SH3TC2: variants seen among roughly 807,000 people sequenced by gnomAD.
The protein encoded by SH3TC2 is SH3 domain and tetratricopeptide repeat-containing protein 2.
In SH3TC2, 87 loss-of-function variants were observed where a neutral mutation model predicts 124.5. That is an observed-to-expected ratio of 0.70 (90% CI 0.59 to 0.84). The LOEUF (loss-of-function observed/expected upper bound fraction) is 0.84. Among genes scored for constraint, SH3TC2 ranks in the 40% least tolerant of loss-of-function variants. The pLI, the probability that SH3TC2 is intolerant of heterozygous loss-of-function variation, is 0.00. For synonymous variants in SH3TC2, 634 were observed against 628.5 expected (o/e 1.01, Z -0.13); for missense variants, 1,536 against 1,566.4 (o/e 0.98, Z 0.33).
chr5:149,023,738 AT>A (rs1754017346), intron 12 of SH3TC2, among the ~76,000 whole-genome samples: 1 of 151,812 alleles, frequency 6.6e-6, no homozygotes, highest in South Asian at 2.1e-4. Context: ...ACCCACCACC[AT>A]GCCTGGCTAA....
intron 12 of SH3TC2, among the ~76,000 whole-genome samples, chr5:149,015,752 G>A (rs929349707): frequency 2.0e-5 from 3 of 152,132 alleles, no homozygotes; most frequent in Non-Finnish European, 4.4e-5. Context: ...TCCCTGCCCT[G>A]CCTGGATGAG....
chr5:149,023,535 G>T (rs868840058), intron 12 of SH3TC2, among the ~76,000 whole-genome samples: 2 of 149,974 alleles, frequency 1.3e-5, no homozygotes, highest in Admixed American at 6.6e-5. Context: ...AGGGAAGTTG[G>T]AAGGGGACCT....
At chr5:149,023,154 G>A (rs2127395920) in intron 12 of SH3TC2, among the ~76,000 whole-genome samples, 1 of 152,254 alleles carries the variant, frequency 6.6e-6, no homozygotes, top group South Asian at 2.1e-4. Context: ...AAGGCAACAA[G>A]CTCACTCTTA....
intron 2 of SH3TC2, among the ~76,000 whole-genome samples, chr5:149,050,742 A>C (rs1353891788): frequency 6.6e-6 from 1 of 152,204 alleles, no homozygotes; most frequent in Non-Finnish European, 1.5e-5. Context: ...TCTCATCTGA[A>C]ATTGGGAAAA....
chr5:149,012,607 C>T lies in SH3TC2; in HGVS notation c.3181G>A (p.Glu1061Lys), dbSNP rs760656119. 1.1e-5 allele frequency: 18 copies of T among 1,614,146 alleles called. No homozygotes were observed. Among genetic ancestry groups the T allele is most frequent in the African/African-American group, 2.7e-5 (2 of 75,030 alleles). Residue 1061 changes from glutamate to lysine, a missense_variant, in exon 13 of 17, where the codon GAG becomes AAG. By Grantham distance (56) the Glu-to-Lys change is moderately conservative (BLOSUM62 1). Transcript: ENST00000515425. Reference protein sequence around the residue: ...GRLHYLMQEDELVELCLQAAI... With the variant: ...GRLHYLMQEDKLVELCLQAAI... Reference sequence around the variant, plus strand: ...ACCTGCAGGCACAGCTCCACCAGCTCGTCTTCCTGCATGAGGTAGTGGAGT... The same window carrying T: ...ACCTGCAGGCACAGCTCCACCAGCTTGTCTTCCTGCATGAGGTAGTGGAGT...
intron 9 of SH3TC2, among the ~76,000 whole-genome samples, chr5:149,031,087 C>T (rs1428972945): frequency 3.9e-5 from 6 of 152,240 alleles, no homozygotes; most frequent in African/African-American, 1.4e-4. Flanking sequence ...ATTGCTCTGA[C>T]TAGCAGTTCT....
At chr5:149,059,678 A>G (rs912087098) in intron 1 of SH3TC2, among the ~76,000 whole-genome samples, 1 of 151,854 alleles carries the variant, frequency 6.6e-6, no homozygotes, top group East Asian at 1.9e-4. Context: ...TCATGATATC[A>G]TTTTGTTTAA....
At position 148,988,363 on chromosome 5, in the gene SH3TC2, A is replaced by G. The variant is rs954581706; in HGVS notation, c.*16348T>C. 1.3e-5 allele frequency among the ~76,000 whole-genome samples: 2 copies of G among 152,186 alleles called. No homozygotes were observed. The highest frequency in any genetic ancestry group is 6.5e-5 in the Admixed American group (1 of 15,280). ...AGGCTTCCCAGTGCTCATGCCATTG[A>G]GTAATCCCCTCCTATACCAGCTCTA... On this transcript the variant is annotated 3_prime_UTR_variant, in exon 17 of 17. Coordinates refer to ENST00000515425, the MANE Select transcript of SH3TC2 (RefSeq NM_024577.4).
rs931549453 is a variant in SH3TC2 at position 148,991,741 on chromosome 5, A to G, written c.*12970T>C. Among the ~76,000 whole-genome samples the G allele has an allele frequency of 2.0e-5, 3 of 152,218 alleles. No individual in the cohort carries two copies. The highest frequency in any genetic ancestry group is 7.2e-5 in the African/African-American group (3 of 41,464). ...AGAGGCTCTTGCAAACTGCTTTTGT[A>G]GAAATTATACTCACTGGTGTCCAAC... is the stretch of plus-strand genomic sequence containing the variant. On this transcript the variant is annotated 3_prime_UTR_variant, in exon 17 of 17. Coordinates refer to ENST00000515425, the MANE Select transcript of SH3TC2 (RefSeq NM_024577.4).
Position 149,008,674 on chromosome 5 carries a change from C to G in SH3TC2, c.3478+177G>C, listed in dbSNP as rs1313371942. 1.2e-5 allele frequency: 10 copies of G among 801,812 alleles called. 1 individual carries two copies. In the South Asian group the frequency reaches 1.6e-4, roughly 13 times the overall value. The allele number at this position is 801,812 out of a possible 1,614,324, so 49.7% of individuals were successfully genotyped here. A position where few individuals can be genotyped will look rare whatever the true frequency, so the allele number is the denominator to read the frequency against. ...ATTTTTAATCCTGATTTGGTGATGA[C>G]AAGCTTGAGGCTTATAGAAGTTAAG... is the stretch of plus-strand genomic sequence containing the variant. On this transcript the variant is annotated intron_variant, in intron 15 of 16. Coordinates refer to ENST00000515425, the MANE Select transcript of SH3TC2 (RefSeq NM_024577.4).
chr5:149,028,747 G>A, intron 9 of SH3TC2, 29 bp from the exon 10 acceptor site: 3 of 1,613,986 alleles, frequency 1.9e-6, no homozygotes, highest in Non-Finnish European at 2.5e-6. Flanking sequence ...CAGGTCTGGT[G>A]TTAGGTCAGG....
Position 149,012,693 on chromosome 5 carries a change from C to T in SH3TC2, c.3095G>A (p.Arg1032His), listed in dbSNP as rs372839905. The change falls in exon 13 of 17, where the codon CGT (arginine) becomes CAT (histidine). Residue 1032 changes from arginine (R) to histidine (H), a missense_variant. Coordinates refer to ENST00000515425, the MANE Select transcript of SH3TC2 (RefSeq NM_024577.4). The part of the protein sequence containing the change: ...RSLTCIKESL[R>H]IFIDLGETDK... ...TGTCTCCCCCAGGTCAATGAAGATA[C>T]GCAGGCTCTCCTTGATGCATGTGAG... 5.2e-5 allele frequency: 84 copies of T among 1,614,014 alleles called. 1 individual carries two copies. Among genetic ancestry groups the T allele is most frequent in the Middle Eastern group, 1.6e-4 (1 of 6,082 alleles).
intron 12 of SH3TC2, among the ~76,000 whole-genome samples, chr5:149,018,911 T>C (rs1753921858): frequency 1.3e-5 from 2 of 151,984 alleles, no homozygotes; most frequent in Admixed American, 1.3e-4. Flanking sequence ...ATCACCCCCA[T>C]CCTTTGCTGA....
Position 148,997,940 on chromosome 5 carries a change from T to C in SH3TC2, c.*6771A>G, listed in dbSNP as rs781164453. The stretch of plus-strand genomic sequence containing the variant: ...TTTTTATTTTGAGATGTACACACTC[T>C]CTGGTCTCAAAAAGAAGTAAGATAT... On this transcript the variant is annotated 3_prime_UTR_variant, in exon 17 of 17. Transcript: ENST00000515425. Among the ~76,000 whole-genome samples, 4 of 152,208 alleles carry C rather than the reference T, an allele frequency of 2.6e-5. No individual in the cohort carries two copies. The highest frequency in any genetic ancestry group is 4.4e-5 in the Non-Finnish European group (3 of 68,032).
At position 149,022,024 on chromosome 5, in the gene SH3TC2, C is replaced by T. The variant is rs1403950248; in HGVS notation, c.3053+4548G>A. 7.6e-4 allele frequency among the ~76,000 whole-genome samples: 29 copies of T among 38,068 alleles called. 1 individual carries two copies. In the South Asian group the frequency reaches 0.026, roughly 34 times the overall value. The allele number at this position is 38,068 out of a possible 152,430, so 25.0% of individuals were successfully genotyped here. A position where few individuals can be genotyped will look rare whatever the true frequency, so the allele number is the denominator to read the frequency against. On this transcript the variant is annotated intron_variant, in intron 12 of 16. Transcript: ENST00000515425. Reference sequence around the variant, plus strand: ...CGCCTCCCGGGTTCACGCCATTCTCCTGCCTCACAAACTCTTTCAAGAAAT... The same window carrying T: ...CGCCTCCCGGGTTCACGCCATTCTCTTGCCTCACAAACTCTTTCAAGAAAT...
chr5:149,030,561 C>G (rs988405531), intron 9 of SH3TC2, among the ~76,000 whole-genome samples: 3 of 152,256 alleles, frequency 2.0e-5, no homozygotes, highest in Admixed American at 6.5e-5. Context: ...ACTCTAGCTT[C>G]CTGCTCAACC....
chr5:149,035,753 A>C (rs1170318496), intron 8 of SH3TC2: 1 of 152,138 alleles, frequency 6.6e-6, no homozygotes, highest in Non-Finnish European at 1.5e-5. Flanking sequence ...GTCATAGTCC[A>C]CCTCACACAG....
chr5:148,997,954 GA>G lies in SH3TC2; in HGVS notation c.*6756del, dbSNP rs1753537737. On this transcript the variant is annotated 3_prime_UTR_variant, in exon 17 of 17. Transcript: ENST00000515425. ...TGTACACACTCTCTGGTCTCAAAAA[GA>G]AGTAAGATATCCATCAAATAATACA... Among the ~76,000 whole-genome samples, 1 of 152,184 alleles carries G rather than the reference GA, an allele frequency of 6.6e-6. No individual in the cohort carries two copies. The highest frequency in any genetic ancestry group is 2.4e-5 in the African/African-American group (1 of 41,454).
chr5:149,032,837 C>A (rs960590361), intron 8 of SH3TC2, among the ~76,000 whole-genome samples: 18 of 152,164 alleles, frequency 1.2e-4, no homozygotes, highest in African/African-American at 4.3e-4. Context: ...GATGAGAACA[C>A]TATTAATAGT....
Sources: allele counts gnomAD v4.1 joint callset (sites outside exome capture counted in the v4.1 genomes callset), GRCh38; gene constraint gnomAD v4.1.1; transcripts MANE v1.5; gene names NCBI Gene and HGNC (gene_info 2026-07-23, HGNC 2026-07-21).